Variants in SDF2 observed in about 807,000 individuals in gnomAD.
The protein encoded by SDF2 is stromal cell-derived factor 2.
Under a neutral mutation model 20.5 loss-of-function variants are expected in SDF2, and 12 were observed. The ratio of observed to expected loss-of-function variants is 0.58; its 90% CI spans 0.37 to 0.95. The LOEUF is 0.95. SDF2 is among the 40% of genes least tolerant of loss of function. SDF2 has a pLI of 0.01. For synonymous variants in SDF2, 100 were observed against 101.0 expected (o/e 0.99, Z 0.06); for missense variants, 238 against 263.1 (o/e 0.90, Z 0.66).
At chr17:28,661,105 C>T (rs2072032478) in intron 1 of SDF2, 3 of 238,708 alleles carry the variant, frequency 1.3e-5, no homozygotes, top group South Asian at 3.2e-5. Flanking sequence ...AAAAAAAAAG[C>T]AGTTTTCTCT....
intron 2 of SDF2, among the ~76,000 whole-genome samples, chr17:28,650,477 TTTTTTC>T (rs964959654): frequency 2.0e-5 from 3 of 152,046 alleles, no homozygotes; most frequent in Admixed American, 6.6e-5. Flanking sequence ...AATTTCTTTT[TTTTTTC>T]TTTTTAAGAG....
intron 2 of SDF2, among the ~76,000 whole-genome samples, chr17:28,650,113 C>T (rs1226671300): frequency 2.6e-5 from 4 of 151,946 alleles, no homozygotes; most frequent in Admixed American, 1.3e-4. Context: ...CCACCATGCC[C>T]GGCTAATTTT....
chr17:28,655,767 T>C (rs113657591), intron 1 of SDF2: 107 of 478,292 alleles, frequency 2.2e-4, no homozygotes, highest in African/African-American at 1.7e-3. Flanking sequence ...GAAGAGCCTA[T>C]GTATGTCAAG....
rs756702232 is a variant in SDF2 at position 28,649,238 on chromosome 17, A to G, written c.387T>C (p.Tyr129=). ...TACAGAGCACTGTCCAGTCATCCAGATAATCACCTTCACCTTCCTCACCAA... is the reference window on the plus strand; with the variant it reads ...TACAGAGCACTGTCCAGTCATCCAGGTAATCACCTTCACCTTCCTCACCAA... ...SAFGEEGEGD[Y]LDDWTVLCNG... Residue 129 remains tyrosine (Y), a synonymous_variant, in exon 3 of 3, where the codon TAT becomes TAC. Transcript: ENST00000247020. 7 of 1,614,188 alleles carry G rather than the reference A, an allele frequency of 4.3e-6. No individual in the cohort carries two copies. Among genetic ancestry groups the G allele is most frequent in the Admixed American group, 3.3e-5 (2 of 60,026 alleles).
chr17:28,655,124 G>A (rs538102482), intron 2 of SDF2, among the ~76,000 whole-genome samples, 163 bp downstream of exon 2: 7 of 152,216 alleles, frequency 4.6e-5, no homozygotes, highest in Non-Finnish European at 7.4e-5. Context: ...GTGAGACTGC[G>A]TCTCAAAAAC....
Position 28,649,123 on chromosome 17 carries a change from G to C in SDF2, c.502C>G (p.Arg168Gly). The C allele has an allele frequency of 1.2e-6, 2 of 1,614,182 alleles. No homozygotes were observed. Among genetic ancestry groups the C allele is most frequent in the Non-Finnish European group, 1.7e-6 (2 of 1,180,034 alleles). Residue 168 changes from arginine (R) to glycine (G), a missense_variant, in exon 3 of 3, where the codon CGA (arginine) becomes GGA (glycine). Arg to Gly is a moderately radical substitution (Grantham distance 125, BLOSUM62 -2). Transcript: ENST00000247020. ...LLSVTGEQYG[R>G]PISGQKEVHG... is the part of the protein sequence containing the mutation. ...ACCTCTTTTTGCCCACTGATAGGTC[G>C]ACCATATTGTTCTCCTGTGACAGAC...
intron 1 of SDF2, among the ~76,000 whole-genome samples, chr17:28,659,090 G>A (rs9915926): frequency 2.0e-4 from 25 of 128,024 alleles, no homozygotes; most frequent in African/African-American, 3.0e-4. Flanking sequence ...ACTCCCAGAC[G>A]AAGGGCGGCC....
intron 1 of SDF2, among the ~76,000 whole-genome samples, chr17:28,656,902 C>G (rs1355334798): frequency 3.9e-5 from 6 of 152,170 alleles, no homozygotes; most frequent in Non-Finnish European, 7.3e-5. Flanking sequence ...GCCATTACAG[C>G]TCCCAACTCC....
chr17:28,655,367 G>A lies in SDF2; in HGVS notation c.268C>T (p.Gln90Ter). ...TTGACATGTGTCAGCCGGATGGGCT[G>A]GCCACACTTGATGGGGGTTCCCCTC... Reference protein sequence around the residue: ...CERGTPIKCGQPIRLTHVNTG... With the variant: ...CERGTPIKCG The change falls in exon 2 of 3, where the codon CAG becomes TAG. Residue 90 changes from glutamine (Q) to a stop codon, truncating the protein, a stop_gained. Transcript: ENST00000247020. LOFTEE classifies it high-confidence loss of function. 6.8e-6 allele frequency: 11 copies of A among 1,614,190 alleles called. No homozygotes were observed. The highest frequency in any genetic ancestry group is 9.3e-6 in the Non-Finnish European group (11 of 1,180,028).
Position 28,655,301 on chromosome 17 carries a change from G to A in SDF2, c.334C>T (p.Leu112Phe). The change falls in exon 2 of 3, where the codon CTT (leucine) becomes TTT (phenylalanine). Residue 112 changes from leucine to phenylalanine, a missense_variant. Coordinates refer to ENST00000247020, the MANE Select transcript of SDF2 (RefSeq NM_006923.4). Reference protein sequence around the residue: ...NLHSHHFTSPLSGNQEVSAFG... With the variant: ...NLHSHHFTSPFSGNQEVSAFG... Reference sequence around the variant, plus strand: ...AGCCACCTCACCTGGTTTCCAGAAAGAGGTGAAGTGAAGTGGTGACTATGG... The same window carrying A: ...AGCCACCTCACCTGGTTTCCAGAAAAAGGTGAAGTGAAGTGGTGACTATGG... 1 of 1,614,200 alleles carries A rather than the reference G, an allele frequency of 6.2e-7. No homozygotes were observed. The highest frequency in any genetic ancestry group is 8.5e-7 in the Non-Finnish European group (1 of 1,180,046).
chr17:28,661,969 T>C (rs1269221492), upstream of SDF2: 4 of 1,430,860 alleles, frequency 2.8e-6, no homozygotes, highest in African/African-American at 5.7e-5. Context: ...GAGAAGGAAG[T>C]GAAGAAGCCC....
At chr17:28,655,260 G>C in intron 2 of SDF2, 27 bp downstream of exon 2, 2 of 1,606,112 alleles carry the variant, frequency 1.2e-6, no homozygotes, top group Non-Finnish European at 1.7e-6. Context: ...ATGCAGAGCA[G>C]CAACAATCCA....
At chr17:28,658,552 T>G (rs879731281) in intron 1 of SDF2, among the ~76,000 whole-genome samples, 1 of 152,208 alleles carries the variant, frequency 6.6e-6, no homozygotes, top group Non-Finnish European at 1.5e-5. Flanking sequence ...CAGCACACGT[T>G]TCAGAGAGCA....
chr17:28,655,554 G>A, intron 1 of SDF2, 71 bp from the exon 2 acceptor site: 3 of 1,364,990 alleles, frequency 2.2e-6, no homozygotes, highest in Middle Eastern at 1.9e-4. Flanking sequence ...AGAAGCTTGA[G>A]TGCGCTCAAG....
At chr17:28,655,176 GCA>G in intron 2 of SDF2, 109 bp downstream of exon 2, 1 of 1,041,556 alleles carries the variant, frequency 9.6e-7, no homozygotes, top group East Asian at 2.4e-5. Context: ...CCCCAGGTCT[GCA>G]CAAAAGAGAA....
chr17:28,648,574 TAAC>T lies in SDF2; in HGVS notation c.*412_*414del, dbSNP rs888004038. 4.0e-5 allele frequency: 8 copies of T among 199,516 alleles called. No homozygotes were observed. Among genetic ancestry groups the T allele is most frequent in the Admixed American group, 1.1e-4 (2 of 18,912 alleles). The allele number at this position is 199,516 out of a possible 1,614,324, so 12.4% of individuals were successfully genotyped here. A position where few individuals can be genotyped will look rare whatever the true frequency, so the allele number is the denominator to read the frequency against. On this transcript the variant is annotated 3_prime_UTR_variant, in exon 3 of 3. Transcript: ENST00000247020. ...CTAATGAAATAGCACACCTAATAAA[TAAC>T]AACACAGTGACTCATAATAAAATTA...
In SDF2 at chr17:28,648,915, C is replaced by A; in HGVS notation, c.*74G>T. On this transcript the variant is annotated 3_prime_UTR_variant, in exon 3 of 3. Transcript: ENST00000247020. ...TGGCCACTGCCCAAGGAACTTGTGGCAGGGATCCCAAGGTGAGGCAGCAAC... is the reference window on the plus strand; with the variant it reads ...TGGCCACTGCCCAAGGAACTTGTGGAAGGGATCCCAAGGTGAGGCAGCAAC... 6.7e-7 allele frequency: 1 copy of A among 1,496,090 alleles called. No homozygotes were observed. The allele number at this position is 1,496,090 out of a possible 1,614,324, so 92.7% of individuals were successfully genotyped here.
chr17:28,660,168 C>A (rs1429525364), intron 1 of SDF2, among the ~76,000 whole-genome samples: 2 of 152,170 alleles, frequency 1.3e-5, no homozygotes, highest in African/African-American at 2.4e-5. Flanking sequence ...GAGCCCCAGG[C>A]AGGGAGGTTG....
chr17:28,660,870 T>G (rs1411461104), intron 1 of SDF2: 1 of 166,644 alleles, frequency 6.0e-6, no homozygotes, highest in African/African-American at 2.4e-5. Flanking sequence ...TAGCTGACCT[T>G]CATTCTTTTT....
Sources: allele counts gnomAD v4.1 joint callset (sites outside exome capture counted in the v4.1 genomes callset), GRCh38; gene constraint gnomAD v4.1.1; transcripts MANE v1.5; gene names NCBI Gene and HGNC (gene_info 2026-07-23, HGNC 2026-07-21).